Variants in LRP1B observed in about 807,000 individuals in gnomAD.
LRP1B encodes LDL receptor related protein 1B, also known as low-density lipoprotein receptor-related protein 1B.
In LRP1B, 217 loss-of-function variants were observed where a neutral mutation model predicts 556.6. That is an observed-to-expected ratio of 0.39 (90% CI 0.35 to 0.44). The LOEUF (loss-of-function observed/expected upper bound fraction) is 0.44, where lower values mean the gene tolerates loss of function less well. Ranked by LOEUF, LRP1B falls within the 20% of genes least tolerant of loss-of-function variation. LRP1B has a pLI of 1.00. For synonymous variants in LRP1B, 2,047 were observed against 1,865.8 expected (o/e 1.10, Z -2.50); for missense variants, 5,053 against 5,620.8 (o/e 0.90, Z 3.23).
At chr2:140,876,825 C>T (rs1282712265) in intron 25 of LRP1B, among the ~76,000 whole-genome samples, 3 of 152,062 alleles carry the variant, frequency 2.0e-5, no homozygotes, top group Non-Finnish European at 4.4e-5. Flanking sequence ...TCTTGCTGCA[C>T]TGTATACAAA....
intron 79 of LRP1B, among the ~76,000 whole-genome samples, chr2:140,333,160 T>G (rs190001498): frequency 6.6e-6 from 1 of 152,138 alleles, no homozygotes; most frequent in East Asian, 1.9e-4. Context: ...TCTATTTTCT[T>G]AAAAAACTCT....
chr2:141,538,197 G>A (rs1289473210), intron 2 of LRP1B, among the ~76,000 whole-genome samples: 1 of 152,054 alleles, frequency 6.6e-6, no homozygotes, highest in Admixed American at 6.6e-5. Context: ...TTCTGAGCAA[G>A]ATTTTTGCAG....
At chr2:140,703,555 A>C (rs1056924550) in intron 37 of LRP1B, among the ~76,000 whole-genome samples, 2 of 152,182 alleles carry the variant, frequency 1.3e-5, no homozygotes. Flanking sequence ...TATGGGAAGC[A>C]TTGATTCAAC....
At chr2:141,910,184 C>G (rs1019104850) in intron 1 of LRP1B, among the ~76,000 whole-genome samples, 2 of 148,764 alleles carry the variant, frequency 1.3e-5, no homozygotes, top group Non-Finnish European at 3.0e-5. Context: ...TCTTTGAAAC[C>G]AAAATTGTCT....
chr2:141,610,908 T>A (rs528444443), intron 2 of LRP1B, among the ~76,000 whole-genome samples: 4 of 152,178 alleles, frequency 2.6e-5, no homozygotes, highest in Admixed American at 1.3e-4. Flanking sequence ...TTGTACTGGA[T>A]TGAATTTGAT....
intron 2 of LRP1B, among the ~76,000 whole-genome samples, chr2:141,573,301 C>T (rs1686602183): frequency 6.6e-6 from 1 of 152,078 alleles, no homozygotes. Flanking sequence ...CACTCAAAAC[C>T]ACACAGTTAC....
chr2:140,748,819 A>AT (rs1688463809), intron 35 of LRP1B, among the ~76,000 whole-genome samples: 1 of 93,622 alleles, frequency 1.1e-5, no homozygotes, highest in African/African-American at 4.4e-5. Flanking sequence ...ACATGTATAT[A>AT]ATATATATCA....
intron 43 of LRP1B, among the ~76,000 whole-genome samples, chr2:140,545,368 T>C (rs1483495115): frequency 6.6e-6 from 1 of 152,150 alleles, no homozygotes; most frequent in African/African-American, 2.4e-5. Context: ...CCTGTTCCTA[T>C]GTCTAGAATG....
At chr2:141,658,151 AG>A (rs1482191883) in intron 2 of LRP1B, among the ~76,000 whole-genome samples, 1 of 152,178 alleles carries the variant, frequency 6.6e-6, no homozygotes, top group African/African-American at 2.4e-5. Context: ...AAAATTATTG[AG>A]GGGGATGAGA....
At chr2:141,791,835 T>A (rs552176255) in intron 2 of LRP1B, among the ~76,000 whole-genome samples, 19 of 152,148 alleles carry the variant, frequency 1.2e-4, no homozygotes, top group Middle Eastern at 3.4e-3. Flanking sequence ...TTATGTTATG[T>A]TCCATGCTGG....
intron 2 of LRP1B, among the ~76,000 whole-genome samples, chr2:141,508,948 T>C (rs1288825740): frequency 1.3e-5 from 2 of 152,134 alleles, no homozygotes; most frequent in Non-Finnish European, 2.9e-5. Flanking sequence ...AACTTCCCCC[T>C]GAGATTCCAA....
At chr2:140,829,308 T>C (rs941577325) in intron 31 of LRP1B, among the ~76,000 whole-genome samples, 15 of 152,196 alleles carry the variant, frequency 9.9e-5, no homozygotes, top group Non-Finnish European at 2.2e-4. Context: ...CAGAGTATTT[T>C]GTCCAACAGC....
intron 47 of LRP1B, among the ~76,000 whole-genome samples, chr2:140,526,589 G>T (rs1690446608): frequency 6.6e-6 from 1 of 150,930 alleles, no homozygotes; most frequent in African/African-American, 2.4e-5. Flanking sequence ...CATTGCAGCT[G>T]CCTGTTTAAG....
chr2:141,862,346 T>A (rs767148028), intron 1 of LRP1B, among the ~76,000 whole-genome samples: 5 of 152,190 alleles, frequency 3.3e-5, no homozygotes, highest in Non-Finnish European at 7.3e-5. Context: ...CTCATTCTTC[T>A]ACAACATTAA....
At chr2:140,519,318 C>T (rs939204975) in intron 49 of LRP1B, among the ~76,000 whole-genome samples, 4 of 152,106 alleles carry the variant, frequency 2.6e-5, no homozygotes, top group Non-Finnish European at 5.9e-5. Flanking sequence ...ACGTCTACAA[C>T]CATCTGATCT....
At chr2:140,374,333 T>C (rs1434084444) in intron 68 of LRP1B, among the ~76,000 whole-genome samples, 1 of 152,182 alleles carries the variant, frequency 6.6e-6, no homozygotes, top group Non-Finnish European at 1.5e-5. Context: ...TCCTAGCAAG[T>C]AAAGCACGTT....
At chr2:141,232,802 T>C (rs992862691) in intron 5 of LRP1B, among the ~76,000 whole-genome samples, 1 of 152,162 alleles carries the variant, frequency 6.6e-6, no homozygotes, top group Non-Finnish European at 1.5e-5. Flanking sequence ...GTAATCTTCA[T>C]GGGTCTCTGC....
intron 6 of LRP1B, among the ~76,000 whole-genome samples, chr2:141,222,509 C>T (rs905148482): frequency 6.6e-6 from 1 of 152,108 alleles, no homozygotes; most frequent in African/African-American, 2.4e-5. Flanking sequence ...AAAGATGGGA[C>T]TCCTCCCTAA....
intron 66 of LRP1B, among the ~76,000 whole-genome samples, chr2:140,404,462 G>A (rs183050016): frequency 8.4e-4 from 128 of 152,056 alleles, no homozygotes; most frequent in African/African-American, 1.8e-3. Flanking sequence ...ATGAGCCACC[G>A]TGCCTGGCCA....
Sources: allele counts gnomAD v4.1 joint callset (sites outside exome capture counted in the v4.1 genomes callset), GRCh38; gene constraint gnomAD v4.1.1; transcripts MANE v1.5; gene names NCBI Gene and HGNC (gene_info 2026-07-23, HGNC 2026-07-21).